The following LRBA variants were observed in gnomAD, a reference collection of about 807,000 sequenced individuals.
The protein encoded by LRBA is LPS responsive beige-like anchor protein.
A neutral mutation model predicts 330.0 loss-of-function variants in LRBA; 176 were observed. That is an observed-to-expected ratio of 0.53 (90% CI 0.47 to 0.60). The LOEUF (loss-of-function observed/expected upper bound fraction) is 0.60. Ranked by LOEUF, LRBA falls within the 20% of genes least tolerant of loss-of-function variation. The probability of loss-of-function intolerance (pLI) is 0.00; values close to 1 mark genes in which losing one functional copy is unlikely to be tolerated. For synonymous variants in LRBA, 1,230 were observed against 1,193.0 expected (o/e 1.03, Z -0.64); for missense variants, 3,259 against 3,444.8 (o/e 0.95, Z 1.35).
chr4:150,597,215 T>C (rs1773599685), intron 38 of LRBA: 2 of 521,116 alleles, frequency 3.8e-6, no homozygotes, highest in East Asian at 3.3e-5. Context: ...CTTAGGATGA[T>C]AGTAAAAACA....
rs1297757024 is a variant in LRBA, at chr4:150,735,368, T to A, written c.5646-2A>T. The A allele has an allele frequency of 6.3e-7, 1 of 1,575,990 alleles. No individual in the cohort carries two copies. Among genetic ancestry groups the A allele is most frequent in the Non-Finnish European group, 8.7e-7 (1 of 1,145,758 alleles). ...TCCTTCATTGTCTGGCTAAGCAACCTGTAAGAAATGAATGTTATCAAATAA... is the reference window on the plus strand; with the variant it reads ...TCCTTCATTGTCTGGCTAAGCAACCAGTAAGAAATGAATGTTATCAAATAA... On this transcript the variant is annotated splice_acceptor_variant, in intron 35 of 56. Coordinates refer to ENST00000651943, the MANE Select transcript of LRBA (RefSeq NM_001364905.1). LOFTEE classifies it high-confidence loss of function.
intron 37 of LRBA, among the ~76,000 whole-genome samples, chr4:150,673,771 C>A (rs1166634367): frequency 6.6e-6 from 1 of 152,076 alleles, no homozygotes; most frequent in African/African-American, 2.4e-5. Context: ...TTAGTATTAA[C>A]AATTCATGTG....
chr4:150,860,618 G>C (rs1751780224), intron 22 of LRBA, among the ~76,000 whole-genome samples: 1 of 152,062 alleles, frequency 6.6e-6, no homozygotes. Flanking sequence ...ACGAGGTCAG[G>C]AGATCGAGAC....
At chr4:150,722,859 C>T (rs769110719) in intron 36 of LRBA, among the ~76,000 whole-genome samples, 12 of 152,014 alleles carry the variant, frequency 7.9e-5, no homozygotes, top group Non-Finnish European at 1.6e-4. Flanking sequence ...CCCCATCGCC[C>T]AGCAGTGGCC....
At position 150,957,974 on chromosome 4, in the gene LRBA, C is replaced by T. The variant is rs771532621; in HGVS notation, c.217-28909G>A. On this transcript the variant is annotated intron_variant, in intron 2 of 56. Transcript: ENST00000651943. ...ACAGACCCACTCCTTGCTGCTTTCA[C>T]GGCTGGCGTTGAGCATCTGCAGCTT... 1.9e-4 allele frequency among the ~76,000 whole-genome samples: 28 copies of T among 149,332 alleles called. 1 individual carries two copies. Among genetic ancestry groups the T allele is most frequent in the Non-Finnish European group, 3.8e-4 (26 of 68,024 alleles).
rs1758059620 is a variant in LRBA at position 150,487,778 on chromosome 4, G to C, written c.6505C>G (p.Leu2169Val). ...PATVKKVVNYLPRVGVGTSFG... is the reference protein window; with the variant it reads ...PATVKKVVNYVPRVGVGTSFG... ...CTTGTTCCAACGCCAACACGAGGTA[G>C]ATAGTTAACCACTTTCTTTACTGTT... is the stretch of plus-strand genomic sequence containing the variant. The change falls in exon 42 of 57, where the codon CTA (leucine) becomes GTA (valine). Residue 2169 changes from leucine (L) to valine (V), a missense_variant. Coordinates refer to ENST00000651943, the MANE Select transcript of LRBA (RefSeq NM_001364905.1). 1.9e-6 allele frequency: 3 copies of C among 1,598,704 alleles called. No individual in the cohort carries two copies. In the East Asian group the frequency reaches 6.7e-5, roughly 36 times the overall value.
chr4:150,480,751 G>A (rs6856069), intron 42 of LRBA, among the ~76,000 whole-genome samples: 69,693 of 151,824 alleles, frequency 0.46, 16,265 homozygotes, highest in Non-Finnish European at 0.51. Context: ...TATGGTGTAC[G>A]CAGTGATGTG....
Position 150,973,156 on chromosome 4 carries a change from T to C in LRBA, c.216+41271A>G, listed in dbSNP as rs539058730. Among the ~76,000 whole-genome samples the C allele has an allele frequency of 2.0e-3, 305 of 151,154 alleles. 1 individual carries two copies. The highest frequency in any genetic ancestry group is 7.2e-3 in the African/African-American group (297 of 41,204). On this transcript the variant is annotated intron_variant, in intron 2 of 56. Transcript: ENST00000651943. ...TTAAATATTTTGTCTGTCTGTTTGTTTGTTTGTTTGTTTGTTTGTTTGTTT... is the reference window on the plus strand; with the variant it reads ...TTAAATATTTTGTCTGTCTGTTTGTCTGTTTGTTTGTTTGTTTGTTTGTTT...
At chr4:150,858,292 A>C (rs74750084) in intron 22 of LRBA, among the ~76,000 whole-genome samples, 129 of 152,220 alleles carry the variant, frequency 8.5e-4, no homozygotes, top group Non-Finnish European at 1.7e-3. Context: ...AGGAGTATGA[A>C]GCTGTAGTGT....
chr4:150,639,588 CAA>C (rs879128535), intron 37 of LRBA, among the ~76,000 whole-genome samples: 4 of 46,252 alleles, frequency 8.6e-5, no homozygotes, highest in South Asian at 7.6e-4. Context: ...GCAGAAGGAG[CAA>C]AAAAAAAAAA....
At chr4:150,934,614 G>A (rs1734878870) in intron 2 of LRBA, among the ~76,000 whole-genome samples, 1 of 152,130 alleles carries the variant, frequency 6.6e-6, no homozygotes, top group Non-Finnish European at 1.5e-5. Context: ...GCTCACATCT[G>A]TAATCCCAGC....
chr4:151,000,885 G>C (rs1743249743), intron 2 of LRBA, among the ~76,000 whole-genome samples: 1 of 152,244 alleles, frequency 6.6e-6, no homozygotes, highest in Non-Finnish European at 1.5e-5. Context: ...AAGACAGCCT[G>C]CTCGGCTGGG....
intron 44 of LRBA, among the ~76,000 whole-genome samples, chr4:150,446,538 A>G (rs925194308): frequency 6.6e-5 from 10 of 152,214 alleles, no homozygotes. Flanking sequence ...TTGCAGTTGT[A>G]TTCCTAGAAA....
At chr4:150,844,922 T>C (rs1433128838) in intron 26 of LRBA, 143 bp from the exon 27 acceptor site, 1 of 690,434 alleles carries the variant, frequency 1.4e-6, no homozygotes, top group Non-Finnish European at 2.4e-6. Flanking sequence ...AAAATGTCCC[T>C]AGACTTTATC....
intron 47 of LRBA, among the ~76,000 whole-genome samples, chr4:150,404,624 C>G (rs1446200829): frequency 6.6e-6 from 1 of 152,130 alleles, no homozygotes; most frequent in African/African-American, 2.4e-5. Flanking sequence ...ACACTTTCAG[C>G]TATATCACTG....
chr4:150,991,845 A>G (rs1742123663), intron 2 of LRBA, among the ~76,000 whole-genome samples: 1 of 152,196 alleles, frequency 6.6e-6, no homozygotes, highest in African/African-American at 2.4e-5. Flanking sequence ...CAAAGATGTA[A>G]TCTCTGCCTT....
intron 37 of LRBA, among the ~76,000 whole-genome samples, chr4:150,621,040 C>T (rs1050024974): frequency 4.6e-5 from 7 of 152,038 alleles, no homozygotes; most frequent in African/African-American, 1.7e-4. Context: ...AAAGTGCTCA[C>T]CAGCAATCTT....
In LRBA at chr4:150,350,298, G is replaced by A. The variant is rs534244678; in HGVS notation, c.7195-139C>T. On this transcript the variant is annotated intron_variant, in intron 47 of 56. Coordinates refer to ENST00000651943, the MANE Select transcript of LRBA (RefSeq NM_001364905.1). ...TAAAAAACAAAACTTGTGGCCGGGC[G>A]CAGTGGCTCACGCCTATAATCCCAG... The A allele has an allele frequency of 1.9e-3, 1,221 of 656,364 alleles. 5 individuals carry two copies. Among genetic ancestry groups the A allele is most frequent in the Non-Finnish European group, 2.6e-3 (1,105 of 417,550 alleles). The allele number at this position is 656,364 out of a possible 1,614,324, so 40.7% of individuals were successfully genotyped here.
intron 11 of LRBA, among the ~76,000 whole-genome samples, chr4:150,907,741 G>A (rs1486403647): frequency 6.6e-6 from 1 of 152,034 alleles, no homozygotes; most frequent in Non-Finnish European, 1.5e-5. Flanking sequence ...ATGAGAAATT[G>A]AGACTCCTTT....
Sources: allele counts gnomAD v4.1 joint callset (sites outside exome capture counted in the v4.1 genomes callset), GRCh38; gene constraint gnomAD v4.1.1; transcripts MANE v1.5; gene names NCBI Gene and HGNC (gene_info 2026-07-23, HGNC 2026-07-21).